MRI1: variants seen among roughly 807,000 people sequenced by gnomAD.
The protein encoded by MRI1 is methylthioribose-1-phosphate isomerase.
A neutral mutation model predicts 27.3 loss-of-function variants in MRI1; 32 were observed. The observed-to-expected ratio is 1.17, with a 90% CI of 0.88 to 1.57. The LOEUF is 1.57. Among genes scored for constraint, MRI1 ranks in the 40% most tolerant of loss-of-function variants. The probability of loss-of-function intolerance (pLI) is 0.00; values close to 1 mark genes in which losing one functional copy is unlikely to be tolerated. For synonymous variants in MRI1, 216 were observed against 227.4 expected (o/e 0.95, Z 0.45); for missense variants, 508 against 516.1 (o/e 0.98, Z 0.15).
rs1362717691 is a variant in MRI1, at chr19:13,766,097, C to G, written c.515C>G (p.Ala172Gly). 6.2e-7 allele frequency: 1 copy of G among 1,604,472 alleles called. No individual in the cohort carries two copies. ...GTGCTGACCCACTGTAACACTGGTG[C>G]TCTGGCCACCGCTGGCTATGGTACA... ...VTVLTHCNTG[A>G]LATAGYGTAL... Residue 172 changes from alanine (A) to glycine (G), a missense_variant, in exon 3 of 6, where the codon GCT (alanine) becomes GGT (glycine). This residue lies in a region of MRI1 where 457 missense variants were observed against 452.8 expected (regional missense o/e 1.01). Coordinates refer to ENST00000040663, the MANE Select transcript of MRI1 (RefSeq NM_001031727.4).
rs1196918944 is a variant in MRI1, at chr19:13,773,361, CA to C, written c.*1081del. 1 of 150,490 alleles carries C rather than the reference CA, an allele frequency of 6.6e-6. No homozygotes were observed. The highest frequency in any genetic ancestry group is 1.5e-5 in the Non-Finnish European group (1 of 67,350). The allele number at this position is 150,490 out of a possible 1,614,324, so 9.3% of individuals were successfully genotyped here. A position where few individuals can be genotyped will look rare whatever the true frequency, so the allele number is the denominator to read the frequency against. Reference sequence around the variant, plus strand: ...TTAATGCAAAAATCCATGATGAGGCCAGGCTTGGTGGCTCATGCCTGTAATT... The same window carrying C: ...TTAATGCAAAAATCCATGATGAGGCCGGCTTGGTGGCTCATGCCTGTAATT... On this transcript the variant is annotated 3_prime_UTR_variant, in exon 6 of 6. Coordinates refer to ENST00000040663, the MANE Select transcript of MRI1 (RefSeq NM_001031727.4).
At chr19:13,765,173 G>A (rs1049499629) in intron 2 of MRI1, 64 bp downstream of exon 2, 4 of 1,325,124 alleles carry the variant, frequency 3.0e-6, no homozygotes, top group African/African-American at 3.0e-5. Context: ...TTTAAGTACA[G>A]TGACCCACTA....
At position 13,768,943 on chromosome 19, in the gene MRI1, A is replaced by C; in HGVS notation, c.844A>C (p.Ser282Arg). 6.2e-7 allele frequency: 1 copy of C among 1,614,132 alleles called. No homozygotes were observed. Reference sequence around the variant, plus strand: ...CATTCCCTTCTACGTGGCTGCCCCCAGCTCTTCATGTGACCTCCGTCTGGA... The same window carrying C: ...CATTCCCTTCTACGTGGCTGCCCCCCGCTCTTCATGTGACCTCCGTCTGGA... Reference protein sequence around the residue: ...HGIPFYVAAPSSSCDLRLETG... With the variant: ...HGIPFYVAAPRSSCDLRLETG... Residue 282 changes from serine (S) to arginine (R), a missense_variant, in exon 5 of 6, where the codon AGC becomes CGC. This residue lies in a region of MRI1 where 457 missense variants were observed against 452.8 expected (regional missense o/e 1.01). Coordinates refer to ENST00000040663, the MANE Select transcript of MRI1 (RefSeq NM_001031727.4).
intron 5 of MRI1, 72 bp from the exon 6 acceptor site, chr19:13,772,049 C>T: frequency 6.9e-7 from 1 of 1,440,820 alleles, no homozygotes; most frequent in Middle Eastern, 2.4e-4. Context: ...GTGGTAGAAA[C>T]AGATGACTAC....
intron 3 of MRI1, chr19:13,768,236 C>T (rs1395496627): frequency 1.0e-5 from 7 of 698,136 alleles, no homozygotes; most frequent in Admixed American, 2.1e-5. Context: ...GCTGCCTGTA[C>T]ACATGAGGTG....
intron 3 of MRI1, among the ~76,000 whole-genome samples, chr19:13,767,008 CATATATATATATAT>C (rs1250741648): frequency 4.0e-5 from 2 of 49,568 alleles, no homozygotes; most frequent in African/African-American, 6.7e-5. Flanking sequence ...TGCACATCCA[CATATATATATATAT>C]ATATATATAT....
rs746670696 is a variant in MRI1 at position 13,768,648 on chromosome 19, C to T, written c.635C>T (p.Thr212Met). The T allele has an allele frequency of 3.5e-5, 57 of 1,613,742 alleles. No individual in the cohort carries two copies. Among genetic ancestry groups the T allele is most frequent in the Admixed American group, 1.7e-4 (10 of 59,996 alleles). ...TRPYNQGARL[T>M]AFELVYEQIP... ...CCCTACAACCAGGGAGCCCGGCTGA[C>T]GGCCTTTGAGCTGGTCTATGAGCAG... Residue 212 changes from threonine to methionine, a missense_variant, in exon 4 of 6, where the codon ACG (threonine) becomes ATG (methionine). Physicochemically the swap from Thr to Met is moderately conservative, Grantham distance 81. Transcript: ENST00000040663.
At position 13,764,534 on chromosome 19, in the gene MRI1, A is replaced by G; in HGVS notation, c.-55A>G. On this transcript the variant is annotated 5_prime_UTR_variant, in exon 1 of 6. Transcript: ENST00000040663. ...CGCCCACGGCCCCGCCCCGCTCCCA[A>G]GTGCGCGCGGACCCCTAGCTCCCTC... The G allele has an allele frequency of 6.3e-7, 1 of 1,586,944 alleles. No individual in the cohort carries two copies. Among genetic ancestry groups the G allele is most frequent in the East Asian group, 2.3e-5 (1 of 44,180 alleles).
rs769597701 is a variant in MRI1, at chr19:13,768,745, G to T, written c.724+8G>T. 14 of 1,610,634 alleles carry T rather than the reference G, an allele frequency of 8.7e-6. No individual in the cohort carries two copies. The South Asian group carries it at 1.4e-4, about 16-fold the overall frequency. ...CCCATAGGGGCGTGTCAGGTAAGCAGACGGTAAGCCCTGGGGGCGGGGCTC... is the reference window on the plus strand; with the variant it reads ...CCCATAGGGGCGTGTCAGGTAAGCATACGGTAAGCCCTGGGGGCGGGGCTC... On this transcript the variant is annotated splice_region_variant and intron_variant, in intron 4 of 5. Coordinates refer to ENST00000040663, the MANE Select transcript of MRI1 (RefSeq NM_001031727.4).
Position 13,768,731 on chromosome 19 carries a change from G to A in MRI1, c.718G>A (p.Val240Met), listed in dbSNP as rs780901541. 1.1e-5 allele frequency: 18 copies of A among 1,612,558 alleles called. No individual in the cohort carries two copies. The highest frequency in any genetic ancestry group is 4.4e-5 in the South Asian group (4 of 91,008). Residue 240 changes from valine to methionine, a missense_variant, in exon 4 of 6, where the codon GTG (valine) becomes ATG (methionine). Physicochemically the swap from Val to Met is conservative, Grantham distance 21. This residue lies in a region of MRI1 where 457 missense variants were observed against 452.8 expected (regional missense o/e 1.01). Transcript: ENST00000040663. ...GGCTGCTGCCATGGCCCATAGGGGC[G>A]TGTCAGGTAAGCAGACGGTAAGCCC... ...MVAAAMAHRG[V>M]SAVVVGADRV...
rs1278208175 is a variant in MRI1 at position 13,764,684 on chromosome 19, G to C, written c.96G>C (p.Ser32=). Reference sequence around the variant, plus strand: ...AGAGCCGCTACGAGGCGGTGGGCTCGGTGCACCAGGCCTGGGAGGCCATCC... The same window carrying C: ...AGAGCCGCTACGAGGCGGTGGGCTCCGTGCACCAGGCCTGGGAGGCCATCC... ...PKQSRYEAVG[S]VHQAWEAIRA... The change falls in exon 1 of 6, where the codon TCG becomes TCC. Residue 32 remains serine, a synonymous_variant. Coordinates refer to ENST00000040663, the MANE Select transcript of MRI1 (RefSeq NM_001031727.4). 1 of 1,585,946 alleles carries C rather than the reference G, an allele frequency of 6.3e-7. No individual in the cohort carries two copies. The highest frequency in any genetic ancestry group is 8.5e-7 in the Non-Finnish European group (1 of 1,170,080).
In MRI1 at chr19:13,768,673, G is replaced by C. The variant is rs1974199580; in HGVS notation, c.660G>C (p.Gln220His). 1 of 1,613,854 alleles carries C rather than the reference G, an allele frequency of 6.2e-7. No individual in the cohort carries two copies. The highest frequency in any genetic ancestry group is 1.3e-5 in the African/African-American group (1 of 74,938). The change falls in exon 4 of 6, where the codon CAG becomes CAC. Residue 220 changes from glutamine to histidine, a missense_variant. By Grantham distance (24) the Gln-to-His change is conservative. Transcript: ENST00000040663. ...RLTAFELVYE[Q>H]IPATLITDSM... ...CGGCCTTTGAGCTGGTCTATGAGCA[G>C]ATCCCCGCCACCCTTATCACCGACA...
chr19:13,765,907 G>T, intron 2 of MRI1, 47 bp from the exon 3 acceptor site: 1 of 1,544,436 alleles, frequency 6.5e-7, no homozygotes, highest in Non-Finnish European at 8.7e-7. Flanking sequence ...CGTTGGCCTG[G>T]GCCCCGGGTC....
In MRI1 at chr19:13,767,861, C is replaced by CTTTTTTTTTTTTTTTTTTTTT. The variant is rs1170108927; in HGVS notation, c.548-695_548-675dup. Among the ~76,000 whole-genome samples the CTTTTTTTTTTTTTTTTTTTTT allele has an allele frequency of 1.8e-4, 11 of 61,082 alleles. 1 individual carries two copies. The highest frequency in any genetic ancestry group is 2.3e-4 in the African/African-American group (3 of 12,812). The allele number at this position is 61,082 out of a possible 152,430, so 40.1% of individuals were successfully genotyped here. A position where few individuals can be genotyped will look rare whatever the true frequency, so the allele number is the denominator to read the frequency against. On this transcript the variant is annotated intron_variant, in intron 3 of 5. Transcript: ENST00000040663. ...TCTTTTCAAGTATTTTCTTTCTTTC[C>CTTTTTTTTTTTTTTTTTTTTT]TTTTTTTTTTTTTTTTTTTTTTTTT...
In MRI1 at chr19:13,772,404, G is replaced by T; in HGVS notation, c.*123G>T. The T allele has an allele frequency of 1.1e-6, 1 of 931,248 alleles. No homozygotes were observed. 57.7% of individuals were successfully genotyped at this position (931,248 alleles called of 1,614,324 possible). A position where few individuals can be genotyped will look rare whatever the true frequency, so the allele number is the denominator to read the frequency against. On this transcript the variant is annotated 3_prime_UTR_variant, in exon 6 of 6. Transcript: ENST00000040663. Reference sequence around the variant, plus strand: ...TCCTAGTGCAGGGAGCTCAGACAGGGCCTTCCATCTAGAGCCCAGCACCTA... The same window carrying T: ...TCCTAGTGCAGGGAGCTCAGACAGGTCCTTCCATCTAGAGCCCAGCACCTA...
chr19:13,771,446 G>A (rs1179737698), intron 5 of MRI1, among the ~76,000 whole-genome samples: 1 of 152,074 alleles, frequency 6.6e-6, no homozygotes, highest in Non-Finnish European at 1.5e-5. Context: ...CAGGAGAATC[G>A]TTTGAATCCA....
chr19:13,765,063 C>T lies in MRI1; in HGVS notation c.325C>T (p.Arg109Trp), dbSNP rs544766422. 4.6e-6 allele frequency: 7 copies of T among 1,522,180 alleles called. No homozygotes were observed. Among genetic ancestry groups the T allele is most frequent in the African/African-American group, 1.4e-5 (1 of 71,564 alleles). The allele number at this position is 1,522,180 out of a possible 1,614,324, so 94.3% of individuals were successfully genotyped here. ...CCGCGACCTGGCTGATGTTGCAGCC[C>T]GGGAGGCCGAACGGGAGGGCGCTAC... is the stretch of plus-strand genomic sequence containing the variant. ...AARDLADVAA[R>W]EAEREGATEE... The change falls in exon 2 of 6, where the codon CGG becomes TGG. Residue 109 changes from arginine (R) to tryptophan (W), a missense_variant. Physicochemically the swap from Arg to Trp is moderately radical, Grantham distance 101. Around this residue, in one of 3 missense-constraint regions of MRI1, gnomAD observed 457 missense variants for 452.8 expected, o/e 1.01. Transcript: ENST00000040663.
intron 5 of MRI1, among the ~76,000 whole-genome samples, chr19:13,771,385 G>T (rs1323168669): frequency 1.3e-5 from 2 of 151,572 alleles, no homozygotes; most frequent in East Asian, 3.9e-4. Context: ...CAAAAAAACA[G>T]CTAGACATGA....
rs1167009325 is a variant in MRI1 at position 13,765,060 on chromosome 19, G to A, written c.322G>A (p.Ala108Thr). Residue 108 changes from alanine to threonine, a missense_variant, in exon 2 of 6, where the codon GCC becomes ACC. Transcript: ENST00000040663. ...CGCCCGCGACCTGGCTGATGTTGCAGCCCGGGAGGCCGAACGGGAGGGCGC... is the reference window on the plus strand; with the variant it reads ...CGCCCGCGACCTGGCTGATGTTGCAACCCGGGAGGCCGAACGGGAGGGCGC... ...RAARDLADVA[A>T]REAEREGATE... 4.6e-6 allele frequency: 7 copies of A among 1,521,902 alleles called. No individual in the cohort carries two copies. The highest frequency in any genetic ancestry group is 4.4e-6 in the Non-Finnish European group (5 of 1,139,480). The allele number at this position is 1,521,902 out of a possible 1,614,324, so 94.3% of individuals were successfully genotyped here.
Sources: allele counts gnomAD v4.1 joint callset (sites outside exome capture counted in the v4.1 genomes callset), GRCh38; gene constraint gnomAD v4.1.1; regional missense constraint gnomAD v4.1.1; transcripts MANE v1.5; gene names NCBI Gene and HGNC (gene_info 2026-07-23, HGNC 2026-07-21).